The following CPED1 variants were observed in gnomAD, a reference collection of about 807,000 sequenced individuals.
CPED1 encodes the protein cadherin-like and PC-esterase domain-containing protein 1.
CPED1 carries 114 observed loss-of-function variants against 128.2 expected under a neutral mutation model. That is an observed-to-expected ratio of 0.89 (90% CI 0.76 to 1.04). The LOEUF (loss-of-function observed/expected upper bound fraction) is 1.04. CPED1 is among the 50% of genes least tolerant of loss of function. The pLI is 0.00. For missense variants in CPED1, 1,211 were observed against 1,207.1 expected (o/e 1.00, Z -0.05); for synonymous variants, 462 against 426.7 (o/e 1.08, Z -1.02).
At chr7:121,242,042 G>A (rs1414952367) in intron 17 of CPED1, among the ~76,000 whole-genome samples, 1 of 152,140 alleles carries the variant, frequency 6.6e-6, no homozygotes, top group Non-Finnish European at 1.5e-5. Flanking sequence ...CTTTCCAAGT[G>A]ACTCTAATAT....
chr7:121,261,550 T>A, intron 18 of CPED1: 1 of 1,552,712 alleles, frequency 6.4e-7, no homozygotes, highest in East Asian at 2.4e-5. Flanking sequence ...TTCTAACCAG[T>A]GGAATATGAT....
intron 2 of CPED1, among the ~76,000 whole-genome samples, chr7:121,006,959 G>A (rs139302267): frequency 1.3e-5 from 2 of 152,284 alleles, no homozygotes; most frequent in East Asian, 3.9e-4. Flanking sequence ...AAACGAATGA[G>A]CATTCCAGGG....
chr7:121,267,132 T>C (rs944028969), intron 20 of CPED1, 83 bp from the exon 21 acceptor site: 3 of 757,092 alleles, frequency 4.0e-6, no homozygotes, highest in Non-Finnish European at 6.6e-6. Context: ...GAAAGAATTC[T>C]ATGGTATTTG....
intron 16 of CPED1, among the ~76,000 whole-genome samples, chr7:121,154,349 A>G (rs1371509530): frequency 6.6e-6 from 1 of 152,174 alleles, no homozygotes; most frequent in Non-Finnish European, 1.5e-5. Flanking sequence ...AAAGTGGTAC[A>G]AGTGGGCATC....
rs1450957943 is a variant in CPED1, at chr7:121,117,100, A to ATATATAAAT, written c.919-7231_919-7230insTATATAAAT. On this transcript the variant is annotated intron_variant, in intron 7 of 22. Coordinates refer to ENST00000310396, the MANE Select transcript of CPED1 (RefSeq NM_024913.5). Reference sequence around the variant, plus strand: ...CATTATATATATATATATATATATAAATATATATATATATGTTTGAGATGG... The same window carrying ATATATAAAT: ...CATTATATATATATATATATATATAATATATAAATATATATATATATATGTTTGAGATGG... 8.8e-3 allele frequency among the ~76,000 whole-genome samples: 624 copies of ATATATAAAT among 70,600 alleles called. 3 individuals carry two copies. Among genetic ancestry groups the ATATATAAAT allele is most frequent in the Non-Finnish European group, 0.013 (410 of 32,414 alleles). 46.3% of individuals were successfully genotyped at this position (70,600 alleles called of 152,430 possible). A position where few individuals can be genotyped will look rare whatever the true frequency, so the allele number is the denominator to read the frequency against.
chr7:121,132,190 T>C (rs1344778712), intron 12 of CPED1, among the ~76,000 whole-genome samples: 1 of 152,114 alleles, frequency 6.6e-6, no homozygotes, highest in Non-Finnish European at 1.5e-5. Context: ...GTTATATACA[T>C]GTTCCAGATG....
chr7:121,136,159 A>G, intron 14 of CPED1, 69 bp downstream of exon 14: 1 of 1,433,790 alleles, frequency 7.0e-7, no homozygotes, highest in Non-Finnish European at 9.4e-7. Context: ...TTGAAAAAAA[A>G]TGCATCATTT....
chr7:121,249,218 G>C (rs6942652), intron 18 of CPED1, among the ~76,000 whole-genome samples: 63,099 of 151,944 alleles, frequency 0.42, 13,555 homozygotes, highest in Middle Eastern at 0.51. Flanking sequence ...ATTCCTGAGA[G>C]GGGAGAGATA....
chr7:121,095,590 C>A (rs531974177), intron 5 of CPED1, among the ~76,000 whole-genome samples: 2 of 151,314 alleles, frequency 1.3e-5, no homozygotes, highest in African/African-American at 4.8e-5. Flanking sequence ...ATAAAGGTAA[C>A]ATTATTTTGC....
intron 5 of CPED1, among the ~76,000 whole-genome samples, chr7:121,073,725 T>G (rs887108522): frequency 1.3e-5 from 2 of 152,158 alleles, no homozygotes; most frequent in African/African-American, 4.8e-5. Flanking sequence ...TCAAGTTATC[T>G]TTTGTTAATT....
chr7:121,064,231 C>A lies in CPED1; in HGVS notation c.541-7C>A. On this transcript the variant is annotated splice_region_variant and splice_polypyrimidine_tract_variant and intron_variant, in intron 4 of 22. Coordinates refer to ENST00000310396, the MANE Select transcript of CPED1 (RefSeq NM_024913.5). Reference sequence around the variant, plus strand: ...TCACTCACTAGAATCTTTTTCATTCCTTTCAGGCAAACAGATTACCAGAAA... The same window carrying A: ...TCACTCACTAGAATCTTTTTCATTCATTTCAGGCAAACAGATTACCAGAAA... 1 of 1,592,560 alleles carries A rather than the reference C, an allele frequency of 6.3e-7. No homozygotes were observed. Among genetic ancestry groups the A allele is most frequent in the Non-Finnish European group, 8.6e-7 (1 of 1,160,444 alleles).
At chr7:121,226,469 GTTAT>G (rs1294080977) in intron 16 of CPED1, among the ~76,000 whole-genome samples, 3 of 152,146 alleles carry the variant, frequency 2.0e-5, no homozygotes, top group African/African-American at 7.2e-5. Flanking sequence ...TGTAGCATAA[GTTAT>G]TTAACCAGTT....
At chr7:121,102,558 T>C (rs532781009) in intron 7 of CPED1, among the ~76,000 whole-genome samples, 2 of 152,248 alleles carry the variant, frequency 1.3e-5, no homozygotes, top group East Asian at 3.9e-4. Context: ...TTATATGTCA[T>C]CAAGGCTGAA....
chr7:121,017,448 A>G (rs1396985270), intron 3 of CPED1, among the ~76,000 whole-genome samples: 1 of 152,246 alleles, frequency 6.6e-6, no homozygotes, highest in African/African-American at 2.4e-5. Context: ...ATAAAGAAAA[A>G]AATATGAAAT....
At chr7:121,200,802 C>T (rs1797377924) in intron 16 of CPED1, among the ~76,000 whole-genome samples, 1 of 151,828 alleles carries the variant, frequency 6.6e-6, no homozygotes, top group Non-Finnish European at 1.5e-5. Flanking sequence ...CTTCTCTAGC[C>T]CAAGAAGAGA....
intron 16 of CPED1, among the ~76,000 whole-genome samples, chr7:121,232,378 C>T (rs1027203027): frequency 2.6e-5 from 4 of 152,040 alleles, no homozygotes; most frequent in African/African-American, 4.8e-5. Flanking sequence ...AATAGCATGC[C>T]TTGCATTTTG....
intron 16 of CPED1, among the ~76,000 whole-genome samples, chr7:121,159,260 A>C (rs2116428263): frequency 6.6e-6 from 1 of 152,318 alleles, no homozygotes; most frequent in East Asian, 1.9e-4. Context: ...TACGTTTCAG[A>C]AAGAGAAAAA....
chr7:121,015,746 G>T lies in CPED1; in HGVS notation c.331G>T (p.Glu111Ter). The change falls in exon 3 of 23, where the codon GAG becomes TAG. Residue 111 changes from glutamate (E) to a stop codon, truncating the protein, a stop_gained. Transcript: ENST00000310396. LOFTEE classifies it high-confidence loss of function. ...CAGGCCTCCTTTCTACAGCAAAACA[G>T]AGCTTCAGCTACACCAGCACATTCT... ...LYRPPFYSKT[E>*]LQLHQHILTQ... 6.2e-7 allele frequency: 1 copy of T among 1,612,022 alleles called. No homozygotes were observed. The highest frequency in any genetic ancestry group is 1.1e-5 in the South Asian group (1 of 90,670).
chr7:121,015,004 A>G (rs1318481380), intron 2 of CPED1, among the ~76,000 whole-genome samples: 1 of 152,204 alleles, frequency 6.6e-6, no homozygotes, highest in East Asian at 1.9e-4. Context: ...TAGAATTTCA[A>G]TTTCCATTGT....
Sources: allele counts gnomAD v4.1 joint callset (sites outside exome capture counted in the v4.1 genomes callset), GRCh38; gene constraint gnomAD v4.1.1; transcripts MANE v1.5; gene names NCBI Gene and HGNC (gene_info 2026-07-23, HGNC 2026-07-21).